The following MEN1 variants were observed in gnomAD, a reference collection of about 807,000 sequenced individuals.
The protein encoded by MEN1 is menin.
A neutral mutation model predicts 58.0 loss-of-function variants in MEN1; 6 were observed. The ratio of observed to expected loss-of-function variants is 0.10; its 90% confidence interval spans 0.06 to 0.20. The LOEUF (loss-of-function observed/expected upper bound fraction) is 0.20. Among genes scored for constraint, MEN1 ranks in the 10% least tolerant of loss-of-function variants. The pLI is 1.00. For missense variants in MEN1, 492 were observed against 818.5 expected (o/e 0.60, Z 4.87); for synonymous variants, 346 against 350.7 (o/e 0.99, Z 0.15).
At position 64,808,107 on chromosome 11, in the gene MEN1, AG is replaced by A; in HGVS notation, c.446-9del. On this transcript the variant is annotated splice_polypyrimidine_tract_variant and intron_variant, in intron 2 of 9. Coordinates refer to ENST00000450708, the MANE Select transcript of MEN1 (RefSeq NM_001370259.2). ...AGCTGTCCAATTTGGTGCCTGTGGAAGGGGGAGGTAATGAAAGAGGGTCCTC... is the reference window on the plus strand; with the variant it reads ...AGCTGTCCAATTTGGTGCCTGTGGAAGGGGAGGTAATGAAAGAGGGTCCTC... The A allele has an allele frequency of 6.2e-7, 1 of 1,602,868 alleles. No homozygotes were observed. The highest frequency in any genetic ancestry group is 8.5e-7 in the Non-Finnish European group (1 of 1,175,206).
chr11:64,809,883 G>A lies in MEN1; in HGVS notation c.227C>T (p.Thr76Ile). ...AGACAGGTCGGCCACGGGAAAGTAGGTGAGGCCGCCAGGCGGGTCGGGGGC... is the reference window on the plus strand; with the variant it reads ...AGACAGGTCGGCCACGGGAAAGTAGATGAGGCCGCCAGGCGGGTCGGGGGC... ...SPAPDPPGGLTYFPVADLSII... is the reference protein window; with the variant it reads ...SPAPDPPGGLIYFPVADLSII... Residue 76 changes from threonine to isoleucine, a missense_variant, in exon 2 of 10, where the codon ACC becomes ATC. Transcript: ENST00000450708. The A allele has an allele frequency of 6.2e-7, 1 of 1,601,820 alleles. No individual in the cohort carries two copies. Among genetic ancestry groups the A allele is most frequent in the Non-Finnish European group, 8.5e-7 (1 of 1,174,084 alleles).
chr11:64,808,191 C>T, intron 2 of MEN1, 92 bp from the exon 3 acceptor site: 2 of 1,234,990 alleles, frequency 1.6e-6, no homozygotes, highest in South Asian at 2.6e-5. Flanking sequence ...CCCTCCCACT[C>T]CCTTTCCAAG....
At chr11:64,809,298 AT>A (rs1385383505) in intron 2 of MEN1, among the ~76,000 whole-genome samples, 4 of 149,434 alleles carry the variant, frequency 2.7e-5, no homozygotes, top group Admixed American at 1.3e-4. Context: ...CATAGCCATT[AT>A]TTTGTTTAAC....
chr11:64,807,710 A>C lies in MEN1; in HGVS notation c.655-30T>G. ...GGGGGGGATGAGATCATTATGTCTC[A>C]TGATGGCCCACCCTGTGCCTGCTTC... On this transcript the variant is annotated intron_variant, in intron 3 of 9. Coordinates refer to ENST00000450708, the MANE Select transcript of MEN1 (RefSeq NM_001370259.2). The surrounding 1 kb of genome is among the most constrained non-coding windows in gnomAD (Gnocchi z 4.9). The C allele has an allele frequency of 6.2e-7, 1 of 1,614,008 alleles. No individual in the cohort carries two copies. Among genetic ancestry groups the C allele is most frequent in the African/African-American group, 1.3e-5 (1 of 75,040 alleles).
intron 1 of MEN1, 135 bp downstream of exon 1, chr11:64,810,379 A>G (rs534901966): frequency 3.9e-4 from 204 of 526,514 alleles, no homozygotes; most frequent in Non-Finnish European, 6.8e-5. Context: ...AAGCACCCCA[A>G]TGAGGAGCCC....
intron 2 of MEN1, 51 bp downstream of exon 2, chr11:64,809,614 G>T (rs1941972285): frequency 6.2e-7 from 1 of 1,603,388 alleles, no homozygotes; most frequent in Non-Finnish European, 8.5e-7. Flanking sequence ...AACCATGGAG[G>T]GTTTTGAAGA....
chr11:64,805,561 AG>A (rs1211547375), intron 8 of MEN1, 73 bp downstream of exon 8: 1 of 1,574,656 alleles, frequency 6.4e-7, no homozygotes, highest in African/African-American at 1.3e-5. Flanking sequence ...CCGTACATGC[AG>A]CCCCCATGGC....
intron 7 of MEN1, 144 bp downstream of exon 7, chr11:64,806,087 TG>T: frequency 9.6e-7 from 1 of 1,044,672 alleles, no homozygotes; most frequent in Non-Finnish European, 1.4e-6. Flanking sequence ...CCCTACCTCC[TG>T]GGTAATGGTG....
intron 1 of MEN1, 79 bp from the exon 2 acceptor site, chr11:64,810,211 C>T: frequency 1.1e-6 from 1 of 872,582 alleles, no homozygotes; most frequent in Non-Finnish European, 1.7e-6. Flanking sequence ...AAGGTTCCAC[C>T]CGCCCCGACA....
chr11:64,804,913 C>T lies in MEN1; in HGVS notation c.1351-97G>A. 1 of 1,597,392 alleles carries T rather than the reference C, an allele frequency of 6.3e-7. No homozygotes were observed. The highest frequency in any genetic ancestry group is 2.2e-5 in the East Asian group (1 of 44,870). On this transcript the variant is annotated intron_variant, in intron 9 of 9. Coordinates refer to ENST00000450708, the MANE Select transcript of MEN1 (RefSeq NM_001370259.2). The surrounding 1 kb of genome is among the most constrained non-coding windows in gnomAD (Gnocchi z 4.2). The stretch of plus-strand genomic sequence containing the variant: ...GGCCATCCCATCCCACCCAGGGGGT[C>T]TCAGTCCCATCGGCACCCAAGGGGA...
At chr11:64,806,071 C>T in intron 7 of MEN1, 161 bp downstream of exon 7, 4 of 890,196 alleles carry the variant, frequency 4.5e-6, no homozygotes, top group Non-Finnish European at 6.9e-6. Flanking sequence ...ACACCTTAAT[C>T]AGGGTCCCTA....
intron 6 of MEN1, 108 bp downstream of exon 6, chr11:64,806,903 G>A (rs1941765780): frequency 2.1e-6 from 2 of 967,626 alleles, no homozygotes; most frequent in Admixed American, 3.9e-5. Context: ...AGACTGGATG[G>A]GCGATACCCC....
chr11:64,805,294 C>T (rs750912284), intron 8 of MEN1, 96 bp from the exon 9 acceptor site: 11 of 1,424,068 alleles, frequency 7.7e-6, no homozygotes, highest in Non-Finnish European at 1.1e-5. Context: ...AGACCCCTGG[C>T]TCCAGAAAAG....
intron 1 of MEN1, 108 bp from the exon 2 acceptor site, chr11:64,810,240 T>G (rs1428624257): frequency 1.5e-6 from 1 of 685,178 alleles, no homozygotes; most frequent in Non-Finnish European, 2.4e-6. Flanking sequence ...GCTCCCCTGC[T>G]TCCCCACCCT....
At position 64,807,966 on chromosome 11, in the gene MEN1, T is replaced by A. The variant is rs1212976165; in HGVS notation, c.579A>T (p.Thr193=). 1.2e-6 allele frequency: 2 copies of A among 1,614,202 alleles called. No homozygotes were observed. Among genetic ancestry groups the A allele is most frequent in the Admixed American group, 1.7e-5 (1 of 60,024 alleles). Residue 193 remains threonine, a synonymous_variant, in exon 3 of 10, where the codon ACA becomes ACT. Transcript: ENST00000450708. This position sits in a 1 kb window ranked among gnomAD's most constrained non-coding sequence, Gnocchi z 4.9. The part of the protein sequence containing the change: ...WVVFGPNGEQ[T]AEVTWHGKGN... ...CCTTGCCGTGCCAGGTGACCTCAGC[T>A]GTCTGCTCCCCATTGGGCCCAAACA...
chr11:64,804,291 G>A lies in MEN1; in HGVS notation c.*43C>T. The A allele has an allele frequency of 1.2e-6, 2 of 1,613,624 alleles. No homozygotes were observed. Among genetic ancestry groups the A allele is most frequent in the Non-Finnish European group, 8.5e-7 (1 of 1,179,758 alleles). The stretch of plus-strand genomic sequence containing the variant: ...TGGGCTCAGAGTTGGGGGACTAAGG[G>A]CGGAGCCTGGGTCCCCACAAGCGGT... On this transcript the variant is annotated 3_prime_UTR_variant, in exon 10 of 10. Transcript: ENST00000450708. The surrounding 1 kb of genome is among the most constrained non-coding windows in gnomAD (Gnocchi z 4.2).
Position 64,807,883 on chromosome 11 carries a change from A to G in MEN1, c.654+8T>C, listed in dbSNP as rs1941847065. On this transcript the variant is annotated splice_region_variant and intron_variant, in intron 3 of 9. Transcript: ENST00000450708. The surrounding 1 kb of genome is among the most constrained non-coding windows in gnomAD (Gnocchi z 4.9). Reference sequence around the variant, plus strand: ...GAAGGGGACAAGGCTGGGGGGAGGGAACAATACCCGCTCAGCCACACCGGC... The same window carrying G: ...GAAGGGGACAAGGCTGGGGGGAGGGGACAATACCCGCTCAGCCACACCGGC... 6.2e-7 allele frequency: 1 copy of G among 1,613,626 alleles called. No individual in the cohort carries two copies. Among genetic ancestry groups the G allele is most frequent in the African/African-American group, 1.3e-5 (1 of 74,786 alleles).
rs1941417429 is a variant in MEN1, at chr11:64,803,603, ACTCCTAACC to A, written c.*722_*730del. 4.3e-6 allele frequency: 1 copy of A among 233,478 alleles called. No individual in the cohort carries two copies. Among genetic ancestry groups the A allele is most frequent in the Non-Finnish European group, 8.5e-6 (1 of 118,122 alleles). The allele number at this position is 233,478 out of a possible 1,614,324, so 14.5% of individuals were successfully genotyped here. On this transcript the variant is annotated 3_prime_UTR_variant, in exon 10 of 10. Transcript: ENST00000450708. Reference sequence around the variant, plus strand: ...GGAAGAGATCAGGCTCTTGTCACCCACTCCTAACCCTCTGCAGATTTCCTCCGGGATGCT... The same window carrying A: ...GGAAGAGATCAGGCTCTTGTCACCCACTCTGCAGATTTCCTCCGGGATGCT...
At position 64,810,150 on chromosome 11, in the gene MEN1, G is replaced by GGGT; in HGVS notation, c.-23-19_-23-18insACC. The GGGT allele has an allele frequency of 7.4e-7, 1 of 1,345,028 alleles. No individual in the cohort carries two copies. Among genetic ancestry groups the GGGT allele is most frequent in the Non-Finnish European group, 1.0e-6 (1 of 984,696 alleles). 83.3% of individuals were successfully genotyped at this position (1,345,028 alleles called of 1,614,324 possible). Reference sequence around the variant, plus strand: ...GCGGCGGCCTGCAAGGCAAGCCGGGGGAGGGAGGGTCGGGCAGGTTCGGCC... The same window carrying GGGT: ...GCGGCGGCCTGCAAGGCAAGCCGGGGGGTGAGGGAGGGTCGGGCAGGTTCGGCC... On this transcript the variant is annotated intron_variant, in intron 1 of 9. Coordinates refer to ENST00000450708, the MANE Select transcript of MEN1 (RefSeq NM_001370259.2).
Sources: allele counts gnomAD v4.1 joint callset (sites outside exome capture counted in the v4.1 genomes callset), GRCh38; gene constraint gnomAD v4.1.1; non-coding constraint Gnocchi (gnomAD v3.1); transcripts MANE v1.5; gene names NCBI Gene and HGNC (gene_info 2026-07-23, HGNC 2026-07-21).